Variants in SETBP1 observed in about 807,000 individuals in gnomAD.
The protein encoded by SETBP1 is SET-binding protein.
Under a neutral mutation model 101.0 loss-of-function variants are expected in SETBP1, and 9 were observed. The ratio of observed to expected loss-of-function variants is 0.09; its 90% CI spans 0.05 to 0.16. The LOEUF is 0.16. SETBP1 is among the 10% of genes least tolerant of loss of function. The pLI, the probability that SETBP1 is intolerant of heterozygous loss-of-function variation, is 1.00. For missense variants in SETBP1, 1,858 were observed against 2,033.8 expected, an observed-to-expected ratio of 0.91 and a Z score of 1.66; for synonymous variants, 818 against 788.5, an observed-to-expected ratio of 1.04 and a Z score of -0.63.
chr18:45,037,191 G>A (rs999924627), intron 4 of SETBP1, among the ~76,000 whole-genome samples: 1 of 152,180 alleles, frequency 6.6e-6, no homozygotes, highest in African/African-American at 2.4e-5. Context: ...TATGTAGCCT[G>A]CAGATGAAGA....
chr18:44,817,684 C>CA lies in SETBP1; in HGVS notation c.487-51533dup, dbSNP rs767308052. Among the ~76,000 whole-genome samples the CA allele has an allele frequency of 9.3e-3, 710 of 76,028 alleles. 2 individuals carry two copies. Among genetic ancestry groups the CA allele is most frequent in the African/African-American group, 8.2e-3 (163 of 19,866 alleles). 49.9% of individuals were successfully genotyped at this position (76,028 alleles called of 152,430 possible). On this transcript the variant is annotated intron_variant, in intron 2 of 5. Transcript: ENST00000649279. ...CAGGTGACAGTGCGAGACTCCATCT[C>CA]AAAAAAAAAAAAAGAAAAAAAAAAA...
intron 2 of SETBP1, among the ~76,000 whole-genome samples, chr18:44,770,460 C>T (rs1220756033): frequency 2.0e-5 from 3 of 152,164 alleles, no homozygotes; most frequent in African/African-American, 4.8e-5. Flanking sequence ...TATCTATTTT[C>T]ACCTTTGATT....
intron 4 of SETBP1, among the ~76,000 whole-genome samples, chr18:45,004,766 C>G (rs2072689824): frequency 6.6e-6 from 1 of 152,222 alleles, no homozygotes; most frequent in Non-Finnish European, 1.5e-5. Context: ...GCTTATTTCC[C>G]TCGGCTGCTG....
chr18:44,829,107 G>A (rs963464782), intron 2 of SETBP1, among the ~76,000 whole-genome samples: 13 of 152,170 alleles, frequency 8.5e-5, no homozygotes, highest in Non-Finnish European at 1.8e-4. Flanking sequence ...AATTCCCTAA[G>A]GTCAATCTCC....
intron 2 of SETBP1, among the ~76,000 whole-genome samples, chr18:44,756,003 C>T (rs190120675): frequency 9.2e-5 from 14 of 152,170 alleles, no homozygotes; most frequent in Admixed American, 3.3e-4. Flanking sequence ...ATCACGAGGT[C>T]AGGAGATCAA....
chr18:44,714,099 C>T (rs749062775), intron 2 of SETBP1, among the ~76,000 whole-genome samples: 2 of 152,120 alleles, frequency 1.3e-5, no homozygotes, highest in Non-Finnish European at 2.9e-5. Context: ...CTATTATTCT[C>T]AATTATGGTG....
At chr18:44,961,182 A>G (rs1210171376) in intron 4 of SETBP1, among the ~76,000 whole-genome samples, 3 of 152,234 alleles carry the variant, frequency 2.0e-5, no homozygotes, top group African/African-American at 7.2e-5. Flanking sequence ...ACACAGAGGC[A>G]GAGGAAGCAG....
At chr18:44,851,874 G>A (rs754002459) in intron 2 of SETBP1, among the ~76,000 whole-genome samples, 4 of 152,148 alleles carry the variant, frequency 2.6e-5, no homozygotes, top group Non-Finnish European at 5.9e-5. Context: ...GCCTCACACC[G>A]GCGAGGCTAC....
chr18:44,909,707 A>G (rs1568212048), intron 3 of SETBP1, among the ~76,000 whole-genome samples: 1 of 152,214 alleles, frequency 6.6e-6, no homozygotes, highest in South Asian at 2.1e-4. Flanking sequence ...AGTTATTATT[A>G]TCCTGATTCT....
At chr18:44,979,569 G>T (rs1398545434) in intron 4 of SETBP1, among the ~76,000 whole-genome samples, 2 of 152,176 alleles carry the variant, frequency 1.3e-5, no homozygotes, top group Non-Finnish European at 2.9e-5. Flanking sequence ...GGATACAGGG[G>T]TAATGTATTT....
At chr18:44,831,187 C>T (rs1423902389) in intron 2 of SETBP1, among the ~76,000 whole-genome samples, 1 of 152,184 alleles carries the variant, frequency 6.6e-6, no homozygotes, top group African/African-American at 2.4e-5. Flanking sequence ...TTGGCCTCAA[C>T]TGATGTGGAG....
chr18:45,057,408 G>C (rs564277181), intron 5 of SETBP1, among the ~76,000 whole-genome samples: 1 of 152,212 alleles, frequency 6.6e-6, no homozygotes, highest in South Asian at 2.1e-4. Flanking sequence ...TTACATTAGA[G>C]AACATGAGAC....
chr18:44,929,980 G>A (rs564951594), intron 3 of SETBP1, among the ~76,000 whole-genome samples: 2 of 152,190 alleles, frequency 1.3e-5, no homozygotes, highest in African/African-American at 2.4e-5. Flanking sequence ...GTGTTGAATA[G>A]GAGTGGTAAG....
intron 2 of SETBP1, among the ~76,000 whole-genome samples, chr18:44,708,164 G>A (rs2069261958): frequency 6.6e-6 from 1 of 152,184 alleles, no homozygotes; most frequent in South Asian, 2.1e-4. Flanking sequence ...ACACAAGTGG[G>A]TGGCTCAGAG....
chr18:44,839,618 G>C (rs1455086119), intron 2 of SETBP1, among the ~76,000 whole-genome samples: 1 of 152,228 alleles, frequency 6.6e-6, no homozygotes, highest in Non-Finnish European at 1.5e-5. Flanking sequence ...TGAGGTAAAT[G>C]TGCAGTATTA....
intron 4 of SETBP1, among the ~76,000 whole-genome samples, chr18:44,983,064 A>G (rs567400221): frequency 6.6e-6 from 1 of 152,306 alleles, no homozygotes; most frequent in African/African-American, 2.4e-5. Context: ...CTCAACCTCC[A>G]GACCACCAGG....
chr18:45,000,793 A>ACAC, intron 4 of SETBP1, among the ~76,000 whole-genome samples: 1 of 146,804 alleles, frequency 6.8e-6, no homozygotes, highest in South Asian at 2.2e-4. Context: ...GAATGCACAC[A>ACAC]ACACACACAC....
At chr18:44,713,117 C>A (rs1166749849) in intron 2 of SETBP1, among the ~76,000 whole-genome samples, 1 of 151,994 alleles carries the variant, frequency 6.6e-6, no homozygotes, top group East Asian at 1.9e-4. Flanking sequence ...TGCCACTGCA[C>A]CTGGCTAATT....
intron 2 of SETBP1, among the ~76,000 whole-genome samples, chr18:44,855,753 A>G (rs2072962249): frequency 6.6e-6 from 1 of 152,216 alleles, no homozygotes; most frequent in Non-Finnish European, 1.5e-5. Context: ...GGTTAGTTAC[A>G]GTTACTCTCA....
Sources: allele counts gnomAD v4.1 joint callset (sites outside exome capture counted in the v4.1 genomes callset), GRCh38; gene constraint gnomAD v4.1.1; transcripts MANE v1.5; gene names NCBI Gene and HGNC (gene_info 2026-07-23, HGNC 2026-07-21).